The following CDC20B variants were observed in gnomAD, a reference collection of about 807,000 sequenced individuals.
The protein encoded by CDC20B is cell division cycle protein 20 homolog B.
In CDC20B, 58 loss-of-function variants were observed where a neutral mutation model predicts 64.1. The ratio of observed to expected loss-of-function variants is 0.90; its 90% CI spans 0.73 to 1.13. The LOEUF is 1.13. Among genes scored for constraint, CDC20B ranks in the 50% most tolerant of loss-of-function variants. CDC20B has a pLI of 0.00. For missense variants in CDC20B, 597 were observed against 633.0 expected (o/e 0.94, Z 0.61); for synonymous variants, 243 against 230.6 (o/e 1.05, Z -0.49).
At chr5:55,136,466 G>A (rs1470608314) in intron 5 of CDC20B, 1 of 151,982 alleles carries the variant, frequency 6.6e-6, no homozygotes, top group African/African-American at 2.4e-5. Flanking sequence ...AGCTGAGGCA[G>A]GAGAATTGCT....
chr5:55,114,899 C>T lies in CDC20B; in HGVS notation c.1460-581G>A, dbSNP rs1236500302. On this transcript the variant is annotated intron_variant, in intron 11 of 11. Coordinates refer to ENST00000381375, the MANE Select transcript of CDC20B (RefSeq NM_001170402.1). This position sits in a 1 kb window ranked among gnomAD's most constrained non-coding sequence, Gnocchi z 4.1. Reference sequence around the variant, plus strand: ...CCAAATGCAATATTTCTGAATAGGTCCCAGTCTGAGGTTCCAGAGATTTAG... The same window carrying T: ...CCAAATGCAATATTTCTGAATAGGTTCCAGTCTGAGGTTCCAGAGATTTAG... 6.6e-6 allele frequency among the ~76,000 whole-genome samples: 1 copy of T among 152,134 alleles called. No individual in the cohort carries two copies. Among genetic ancestry groups the T allele is most frequent in the Admixed American group, 6.5e-5 (1 of 15,272 alleles).
At chr5:55,115,289 T>G (rs1742596220) in intron 11 of CDC20B, among the ~76,000 whole-genome samples, 1 of 152,202 alleles carries the variant, frequency 6.6e-6, no homozygotes, top group Admixed American at 6.5e-5. Context: ...AAAAAGACTG[T>G]TTAATGTTCA....
rs3104230 is a variant in CDC20B, at chr5:55,114,292, A to C, written c.1486T>G (p.Ser496Ala). Residue 496 changes from serine (S) to alanine (A), a missense_variant, in exon 12 of 12, where the codon TCT (serine) becomes GCT (alanine). Ser to Ala is a moderately conservative substitution (Grantham distance 99). Around this residue, in one of 3 missense-constraint regions of CDC20B, gnomAD observed 353 missense variants for 397.0 expected, o/e 0.89. Coordinates refer to ENST00000381375, the MANE Select transcript of CDC20B (RefSeq NM_001170402.1). This position sits in a 1 kb window ranked among gnomAD's most constrained non-coding sequence, Gnocchi z 4.1. Reference protein sequence around the residue: ...FGHRGRVLHLSLSPDQTRVFS... With the variant: ...FGHRGRVLHLALSPDQTRVFS... The stretch of plus-strand genomic sequence containing the variant: ...ACCCGGGTCTGGTCTGGACTCAAAG[A>C]CAGGTGCAGCACTCTGCCCCTGTGG... 0.98 allele frequency: 1,582,810 copies of C among 1,613,974 alleles called. 776,252 individuals are homozygous for C. Among genetic ancestry groups the C allele is most frequent in the East Asian group, 1 (44,856 of 44,858 alleles).
chr5:55,120,759 C>T (rs1045731021), intron 9 of CDC20B, among the ~76,000 whole-genome samples: 5 of 152,132 alleles, frequency 3.3e-5, no homozygotes, highest in African/African-American at 4.8e-5. Flanking sequence ...GTACCTAATA[C>T]GACTCAAATC....
chr5:55,128,506 C>A lies in CDC20B; in HGVS notation c.809G>T (p.Ser270Ile), dbSNP rs139614717. The change falls in exon 7 of 12, where the codon AGT becomes ATT. Residue 270 changes from serine (S) to isoleucine (I), a missense_variant. By Grantham distance (142) the Ser-to-Ile change is moderately radical. This residue lies in a region of CDC20B where 353 missense variants were observed against 397.0 expected (regional missense o/e 0.89). Coordinates refer to ENST00000381375, the MANE Select transcript of CDC20B (RefSeq NM_001170402.1). ...NHNGIENIDL[S>I]LTCNYISSVS... Reference sequence around the variant, plus strand: ...AGAAGAGATATAGTTACAAGTGAGACTTAAGTCTATGTTTTCAATCCCATT... The same window carrying A: ...AGAAGAGATATAGTTACAAGTGAGAATTAAGTCTATGTTTTCAATCCCATT... 5.7e-4 allele frequency: 916 copies of A among 1,612,374 alleles called. 5 individuals are homozygous for A. In the African/African-American group the frequency reaches 0.011, roughly 19 times the overall value.
At chr5:55,134,652 C>T (rs1743115642) in intron 5 of CDC20B, among the ~76,000 whole-genome samples, 1 of 152,088 alleles carries the variant, frequency 6.6e-6, no homozygotes, top group Admixed American at 6.5e-5. Context: ...GTCCCAGCTA[C>T]TTGGGTGGCT....
rs1561282695 is a variant in CDC20B at position 55,113,966 on chromosome 5, G to T, written c.*252C>A. 8.3e-6 allele frequency: 4 copies of T among 480,424 alleles called. No homozygotes were observed. Among genetic ancestry groups the T allele is most frequent in the Non-Finnish European group, 1.4e-5 (4 of 281,644 alleles). The allele number at this position is 480,424 out of a possible 1,614,324, so 29.8% of individuals were successfully genotyped here. ...AGTGAAAATGAATCTCTAGAAAGGG[G>T]TAAGAATGGGAGGAAGAAGAGGAGG... On this transcript the variant is annotated 3_prime_UTR_variant, in exon 12 of 12. Coordinates refer to ENST00000381375, the MANE Select transcript of CDC20B (RefSeq NM_001170402.1).
At position 55,160,777 on chromosome 5, in the gene CDC20B, G is replaced by A. The variant is rs1206066455; in HGVS notation, c.126+11811C>T. The A allele has an allele frequency of 1.6e-5, 8 of 508,182 alleles. No homozygotes were observed. In the Admixed American group the frequency reaches 3.0e-4, roughly 19 times the overall value. 31.5% of individuals were successfully genotyped at this position (508,182 alleles called of 1,614,324 possible). A position where few individuals can be genotyped will look rare whatever the true frequency, so the allele number is the denominator to read the frequency against. The stretch of plus-strand genomic sequence containing the variant: ...TTAATTTAAAAATAAACTTTCATGA[G>A]TATCTAATGCTTTTTTAATGGCAGT... On this transcript the variant is annotated intron_variant, in intron 2 of 11. Coordinates refer to ENST00000381375, the MANE Select transcript of CDC20B (RefSeq NM_001170402.1).
At chr5:55,170,476 A>G (rs2111617540) in intron 2 of CDC20B, 1 of 522,812 alleles carries the variant, frequency 1.9e-6, no homozygotes, top group East Asian at 5.7e-5. Context: ...GCTTCATAGC[A>G]GAAAGTACAC....
At chr5:55,119,740 C>A (rs562451334) in intron 11 of CDC20B, 61 bp downstream of exon 11, 1 of 1,007,044 alleles carries the variant, frequency 9.9e-7, no homozygotes, top group East Asian at 2.4e-5. Context: ...CAGGGCTTTT[C>A]CCCCCAACAA....
intron 2 of CDC20B, chr5:55,166,440 G>A (rs752044192): frequency 1.3e-5 from 2 of 152,226 alleles, no homozygotes; most frequent in Non-Finnish European, 2.9e-5. Context: ...GAGTAGGCAG[G>A]AGGAGATTTG....
rs773815311 is a variant in CDC20B at position 55,114,272 on chromosome 5, G to A, written c.1506C>T (p.Thr502=). ...CATCAGCTGCAGCAGAAAACACCCG[G>A]GTCTGGTCTGGACTCAAAGACAGGT... ...VLHLSLSPDQ[T]RVFSAAADGT... The change falls in exon 12 of 12, where the codon ACC becomes ACT. Residue 502 remains threonine (T), a synonymous_variant. Transcript: ENST00000381375. This position sits in a 1 kb window ranked among gnomAD's most constrained non-coding sequence, Gnocchi z 4.1. The A allele has an allele frequency of 6.2e-7, 1 of 1,613,870 alleles. No homozygotes were observed. The highest frequency in any genetic ancestry group is 1.1e-5 in the South Asian group (1 of 91,072).
chr5:55,170,460 T>C, intron 2 of CDC20B: 1 of 502,440 alleles, frequency 2.0e-6, no homozygotes, highest in South Asian at 1.5e-5. Flanking sequence ...TGGTAAATAG[T>C]GGCTTGCTTC....
intron 2 of CDC20B, among the ~76,000 whole-genome samples, chr5:55,156,252 C>T (rs1743805885): frequency 1.3e-5 from 2 of 152,160 alleles, no homozygotes; most frequent in Middle Eastern, 3.2e-3. Flanking sequence ...TCTGGCCCCA[C>T]CCTTCATATG....
At position 55,160,346 on chromosome 5, in the gene CDC20B, G is replaced by GT. The variant is rs755647760; in HGVS notation, c.126+12241dup. 5.0e-6 allele frequency: 8 copies of GT among 1,613,544 alleles called. No homozygotes were observed. The South Asian group carries it at 8.8e-5, about 18-fold the overall frequency. ...AATCAACAGCTTTTATGCCTTTGAA[G>GT]TGAAGGATGCAAAAGGAAGAACTGT... is the stretch of plus-strand genomic sequence containing the variant. On this transcript the variant is annotated intron_variant, in intron 2 of 11. Coordinates refer to ENST00000381375, the MANE Select transcript of CDC20B (RefSeq NM_001170402.1).
intron 2 of CDC20B, chr5:55,161,095 C>T (rs1561302971): frequency 1.2e-6 from 2 of 1,614,156 alleles, no homozygotes; most frequent in East Asian, 2.2e-5. Context: ...CCCACTTCAG[C>T]GTGTTGGCTT....
At chr5:55,132,596 TC>T (rs1743057503) in intron 6 of CDC20B, among the ~76,000 whole-genome samples, 1 of 152,226 alleles carries the variant, frequency 6.6e-6, no homozygotes. Context: ...TTTCTTTTCT[TC>T]ATGGAGGAAA....
rs78616733 is a variant in CDC20B, at chr5:55,151,824, G to C, written c.127-4968C>G. Among the ~76,000 whole-genome samples the C allele has an allele frequency of 4.9e-3, 744 of 152,278 alleles. 7 individuals are homozygous for C. The highest frequency in any genetic ancestry group is 0.017 in the African/African-American group (716 of 41,546). ...TTCCCTTCCTCCCGATTCCAAACTA[G>C]ATTAGGCAGCCAATGGTAGCTAAAT... On this transcript the variant is annotated intron_variant, in intron 2 of 11. Coordinates refer to ENST00000381375, the MANE Select transcript of CDC20B (RefSeq NM_001170402.1).
chr5:55,158,507 G>A (rs1743879656), intron 2 of CDC20B, among the ~76,000 whole-genome samples: 1 of 152,164 alleles, frequency 6.6e-6, no homozygotes, highest in African/African-American at 2.4e-5. Flanking sequence ...GTTTTACACA[G>A]TAGGCTATGG....
Sources: gnomAD v4.1 joint callset for allele counts (sites outside exome capture counted in the v4.1 genomes callset) on GRCh38, gnomAD v4.1.1 for gene constraint, gnomAD v4.1.1 regional missense constraint, Gnocchi (gnomAD v3.1) non-coding constraint, MANE v1.5 for transcripts, NCBI Gene and HGNC (gene_info 2026-07-23, HGNC 2026-07-21) for gene names.